ISL2: variants seen among roughly 807,000 people sequenced by gnomAD.
The protein encoded by ISL2 is ISL LIM homeobox 2, also known as insulin gene enhancer protein ISL-2.
In ISL2, 17 loss-of-function variants were observed where a neutral mutation model predicts 34.6. The observed-to-expected ratio is 0.49, with a 90% confidence interval of 0.34 to 0.74. The LOEUF (loss-of-function observed/expected upper bound fraction) is 0.74, where lower values mean the gene tolerates loss of function less well. Ranked by LOEUF, ISL2 falls within the 30% of genes least tolerant of loss-of-function variation. ISL2 has a pLI of 0.01. For missense variants in ISL2, 469 were observed against 515.2 expected, an observed-to-expected ratio of 0.91 and a Z score of 0.87; for synonymous variants, 232 against 225.5, an observed-to-expected ratio of 1.03 and a Z score of -0.26.
chr15:76,338,205 G>A, intron 2 of ISL2, 47 bp from the exon 3 acceptor site: 1 of 1,512,250 alleles, frequency 6.6e-7, no homozygotes, highest in Non-Finnish European at 8.8e-7. Context: ...GGGAGATGAG[G>A]GCGGCCGCAG....
chr15:76,339,796 C>G, intron 3 of ISL2: 1 of 995,174 alleles, frequency 1.0e-6, no homozygotes, highest in Non-Finnish European at 1.2e-6. Flanking sequence ...GAAGGGCCCT[C>G]GTAGGCCCCC....
Position 76,339,989 on chromosome 15 carries a change from G to A in ISL2, c.512-287G>A, listed in dbSNP as rs925889021. The A allele has an allele frequency of 3.9e-6, 5 of 1,270,962 alleles. No homozygotes were observed. In the Admixed American group the frequency reaches 1.6e-4, roughly 40 times the overall value. The allele number at this position is 1,270,962 out of a possible 1,614,324, so 78.7% of individuals were successfully genotyped here. ...ACTGGAGGAGGCACATCCCTGAGCA[G>A]CCACTCCCTCCCCGCAGCGGCCTGT... On this transcript the variant is annotated intron_variant, in intron 3 of 5. Transcript: ENST00000290759.
At chr15:76,341,653 G>T (rs1443904828) in intron 5 of ISL2, 66 bp from the exon 6 acceptor site, 1 of 1,212,330 alleles carries the variant, frequency 8.2e-7, no homozygotes, top group Non-Finnish European at 1.2e-6. Context: ...CTCGGAGCAC[G>T]CGGCCCTGGA....
chr15:76,336,860 C>G lies in ISL2; in HGVS notation c.-24C>G. The stretch of plus-strand genomic sequence containing the variant: ...TCGTCCTTCTGCCCCTGGCCGCACA[C>G]TTTGCGCACATCTCTTTTTCTGCAT... On this transcript the variant is annotated 5_prime_UTR_variant, in exon 1 of 6. Transcript: ENST00000290759. The G allele has an allele frequency of 1.2e-6, 2 of 1,610,034 alleles. No individual in the cohort carries two copies. Among genetic ancestry groups the G allele is most frequent in the Non-Finnish European group, 1.7e-6 (2 of 1,176,256 alleles).
In ISL2 at chr15:76,341,779, T is replaced by G; in HGVS notation, c.1024T>G (p.Ser342Ala). 1 of 1,613,940 alleles carries G rather than the reference T, an allele frequency of 6.2e-7. No homozygotes were observed. Among genetic ancestry groups the G allele is most frequent in the South Asian group, 1.1e-5 (1 of 91,084 alleles). The change falls in exon 6 of 6, where the codon TCC becomes GCC. Residue 342 changes from serine (S) to alanine (A), a missense_variant. Physicochemically the swap from Ser to Ala is moderately conservative, Grantham distance 99. This residue lies in a region of ISL2 where 169 missense variants were observed against 154.2 expected (regional missense o/e 1.10). Transcript: ENST00000290759. Reference protein sequence around the residue: ...NSSGSDVTSLSSQLPDTPNSM... With the variant: ...NSSGSDVTSLASQLPDTPNSM... ...CTCCGGCAGCGACGTGACCTCCCTG[T>G]CCTCGCAGCTCCCGGACACCCCCAA... is the stretch of plus-strand genomic sequence containing the variant.
At chr15:76,341,093 G>A in intron 4 of ISL2, 41 bp from the exon 5 acceptor site, 1 of 1,517,300 alleles carries the variant, frequency 6.6e-7, no homozygotes, top group Non-Finnish European at 8.8e-7. Context: ...GAAAAGGCCA[G>A]ACCTAACTCG....
rs752470112 is a variant in ISL2 at position 76,336,863 on chromosome 15, T to G, written c.-21T>G. ...TCCTTCTGCCCCTGGCCGCACACTTTGCGCACATCTCTTTTTCTGCATGGT... is the reference window on the plus strand; with the variant it reads ...TCCTTCTGCCCCTGGCCGCACACTTGGCGCACATCTCTTTTTCTGCATGGT... On this transcript the variant is annotated 5_prime_UTR_variant, in exon 1 of 6. Coordinates refer to ENST00000290759, the MANE Select transcript of ISL2 (RefSeq NM_145805.3). 3 of 1,610,884 alleles carry G rather than the reference T, an allele frequency of 1.9e-6. No individual in the cohort carries two copies. Among genetic ancestry groups the G allele is most frequent in the Non-Finnish European group, 2.5e-6 (3 of 1,176,992 alleles).
chr15:76,340,947 G>A (rs1185760745), intron 4 of ISL2, among the ~76,000 whole-genome samples, 187 bp from the exon 5 acceptor site: 2 of 152,256 alleles, frequency 1.3e-5, no homozygotes, highest in Admixed American at 6.5e-5. Context: ...CTGACCTATC[G>A]TGGCAAGTTT....
chr15:76,340,188 C>A, intron 3 of ISL2, 88 bp from the exon 4 acceptor site: 1 of 1,447,268 alleles, frequency 6.9e-7, no homozygotes, highest in South Asian at 1.4e-5. Flanking sequence ...GAAATCGGGC[C>A]CCGGGGGGCT....
At chr15:76,339,121 T>C (rs1466423623) in intron 3 of ISL2, 2 of 985,132 alleles carry the variant, frequency 2.0e-6, no homozygotes, top group Non-Finnish European at 2.4e-6. Context: ...TGCCCAGAGA[T>C]GGGGTCTGAG....
chr15:76,338,929 C>T (rs2040172812), intron 3 of ISL2: 2 of 985,250 alleles, frequency 2.0e-6, no homozygotes, highest in South Asian at 4.7e-5. Context: ...TAACACAGCT[C>T]CAAACTGGGA....
chr15:76,340,584 T>TCAG, intron 4 of ISL2, 25 bp downstream of exon 4: 1 of 1,589,208 alleles, frequency 6.3e-7, no homozygotes, highest in Non-Finnish European at 8.6e-7. Context: ...GGCCGGAGGC[T>TCAG]CGAGTCGGGT....
intron 3 of ISL2, chr15:76,339,032 A>G: frequency 3.0e-6 from 3 of 985,366 alleles, no homozygotes; most frequent in Non-Finnish European, 3.6e-6. Flanking sequence ...TGAACAATTT[A>G]GCCAGGTTCT....
chr15:76,338,676 G>A (rs993165087), intron 3 of ISL2, 162 bp downstream of exon 3: 2 of 985,272 alleles, frequency 2.0e-6, no homozygotes, highest in East Asian at 2.3e-4. Flanking sequence ...CTGGGAACAA[G>A]GCTGTGTGTA....
intron 3 of ISL2, 127 bp downstream of exon 3, chr15:76,338,641 T>C: frequency 8.1e-7 from 1 of 1,232,746 alleles, no homozygotes; most frequent in Non-Finnish European, 1.0e-6. Flanking sequence ...GATAGTGTTT[T>C]TCTGTATCAG....
chr15:76,337,892 G>A lies in ISL2; in HGVS notation c.173G>A (p.Cys58Tyr). 1 of 1,612,666 alleles carries A rather than the reference G, an allele frequency of 6.2e-7. No homozygotes were observed. The highest frequency in any genetic ancestry group is 8.5e-7 in the Non-Finnish European group (1 of 1,179,680). Residue 58 changes from cysteine to tyrosine, a missense_variant, in exon 2 of 6, where the codon TGC (cysteine) becomes TAC (tyrosine). Around this residue, in one of 3 missense-constraint regions of ISL2, gnomAD observed 297 missense variants for 337.8 expected, o/e 0.88. Transcript: ENST00000290759. The stretch of plus-strand genomic sequence containing the variant: ...GCGGCCTGCCTCAAGTGTGCCGAGT[G>A]CAGCCAGTACCTGGACGAGACGTGC... Reference protein sequence around the residue: ...WHAACLKCAECSQYLDETCTC... With the variant: ...WHAACLKCAEYSQYLDETCTC...
intron 3 of ISL2, chr15:76,339,575 C>G (rs2040178092): frequency 1.0e-6 from 1 of 985,474 alleles, no homozygotes; most frequent in African/African-American, 1.7e-5. Flanking sequence ...AACCTGGGGC[C>G]AAGCGAGGAG....
Position 76,336,952 on chromosome 15 carries a change from C to CTGTG in ISL2, c.58+20_58+23dup. ...GTGATCATTCCAAGAGTAAGTATTT[C>CTGTG]TGTGTGTGTGTGGGGTGGGGTGTGT... On this transcript the variant is annotated intron_variant, in intron 1 of 5. Transcript: ENST00000290759. 1 of 1,605,482 alleles carries CTGTG rather than the reference C, an allele frequency of 6.2e-7. No individual in the cohort carries two copies. The highest frequency in any genetic ancestry group is 8.5e-7 in the Non-Finnish European group (1 of 1,172,518).
rs756779917 is a variant in ISL2, at chr15:76,340,299, G to T, written c.535G>T (p.Ala179Ser). 6.2e-7 allele frequency: 1 copy of T among 1,608,040 alleles called. No individual in the cohort carries two copies. Among genetic ancestry groups the T allele is most frequent in the Admixed American group, 1.7e-5 (1 of 59,894 alleles). Residue 179 changes from alanine (A) to serine (S), a missense_variant, in exon 4 of 6, where the codon GCG becomes TCG. Ala to Ser is a moderately conservative substitution (Grantham distance 99, BLOSUM62 1). Transcript: ENST00000290759. ...AGACGCTGGGTCGGGCCGGCAGCCC[G>T]CGTTGCGCCCGCACGTGCACAAGCA... ...LPDAGSGRQP[A>S]LRPHVHKQTE...
Sources: gnomAD v4.1 joint callset for allele counts (sites outside exome capture counted in the v4.1 genomes callset) on GRCh38, gnomAD v4.1.1 for gene constraint, gnomAD v4.1.1 regional missense constraint, MANE v1.5 for transcripts, NCBI Gene and HGNC (gene_info 2026-07-23, HGNC 2026-07-21) for gene names.